The following EEF1AKMT2 variants were observed in gnomAD, a reference collection of about 807,000 sequenced individuals.
The protein encoded by EEF1AKMT2 is EEF1A lysine methyltransferase 2, also known as eukaryotic translation elongation factor 1 alpha lysine methyltransferase 2.
In EEF1AKMT2, 32 loss-of-function variants were observed where a neutral mutation model predicts 35.8. The ratio of observed to expected loss-of-function variants is 0.89; its 90% CI spans 0.67 to 1.20. EEF1AKMT2 has a LOEUF of 1.20. Ranked by LOEUF, EEF1AKMT2 falls within the 50% of genes most tolerant of loss-of-function variation. The probability of loss-of-function intolerance (pLI) is 0.00; values close to 1 mark genes in which losing one functional copy is unlikely to be tolerated. For missense variants in EEF1AKMT2, 330 were observed against 347.5 expected (o/e 0.95, Z 0.40); for synonymous variants, 121 against 133.7 (o/e 0.91, Z 0.65).
intron 6 of EEF1AKMT2, among the ~76,000 whole-genome samples, chr10:124,760,782 C>T (rs1950324166): frequency 6.6e-6 from 1 of 152,234 alleles, no homozygotes; most frequent in African/African-American, 2.4e-5. Flanking sequence ...TCCTCCACTT[C>T]CTGTTTGTCA....
At chr10:124,764,484 T>C (rs1950359781) in intron 5 of EEF1AKMT2, among the ~76,000 whole-genome samples, 1 of 152,198 alleles carries the variant, frequency 6.6e-6, no homozygotes, top group Non-Finnish European at 1.5e-5. Context: ...ATTTTGTGTA[T>C]AGATTACAGA....
chr10:124,776,384 C>A (rs1213843361), intron 3 of EEF1AKMT2, among the ~76,000 whole-genome samples: 1 of 151,954 alleles, frequency 6.6e-6, no homozygotes, highest in Non-Finnish European at 1.5e-5. Flanking sequence ...AGAAACAGAC[C>A]CGACAGGAGA....
intron 3 of EEF1AKMT2, among the ~76,000 whole-genome samples, chr10:124,787,941 G>T (rs1950601152): frequency 6.6e-6 from 1 of 152,118 alleles, no homozygotes; most frequent in South Asian, 2.1e-4. Context: ...GTTATTTCAA[G>T]TTCTTCTAAT....
At chr10:124,781,574 G>A (rs940995345) in intron 3 of EEF1AKMT2, among the ~76,000 whole-genome samples, 1 of 135,112 alleles carries the variant, frequency 7.4e-6, no homozygotes, top group Non-Finnish European at 1.5e-5. Context: ...CTGGGTGACA[G>A]AGTGAGACTG....
intron 4 of EEF1AKMT2, among the ~76,000 whole-genome samples, chr10:124,770,054 G>A (rs761385504): frequency 1.1e-4 from 16 of 152,000 alleles, no homozygotes; most frequent in Non-Finnish European, 1.9e-4. Flanking sequence ...AGGCCAAGGT[G>A]GAGGGATCAT....
At position 124,759,129 on chromosome 10, in the gene EEF1AKMT2, TATGCAAA is replaced by T. The variant is rs1386043141; in HGVS notation, c.*1367_*1373del. The T allele has an allele frequency of 6.6e-6, 1 of 152,138 alleles. No individual in the cohort carries two copies. Among genetic ancestry groups the T allele is most frequent in the Non-Finnish European group, 1.5e-5 (1 of 68,028 alleles). 9.4% of individuals were successfully genotyped at this position (152,138 alleles called of 1,614,324 possible). ...ACAAAGCTGAAAATCATCAAAAAAT[TATGCAAA>T]AATTTGTATTTAGCTCCAATATTAA... is the stretch of plus-strand genomic sequence containing the variant. On this transcript the variant is annotated 3_prime_UTR_variant, in exon 7 of 7. Transcript: ENST00000368836.
At chr10:124,776,719 C>T (rs1034824249) in intron 3 of EEF1AKMT2, among the ~76,000 whole-genome samples, 1 of 151,732 alleles carries the variant, frequency 6.6e-6, no homozygotes, top group African/African-American at 2.4e-5. Flanking sequence ...TGCTTGAACC[C>T]GGGAGGTGGA....
At position 124,765,622 on chromosome 10, in the gene EEF1AKMT2, C is replaced by T. The variant is rs766923612; in HGVS notation, c.400-14G>A. The T allele has an allele frequency of 2.5e-6, 4 of 1,597,370 alleles. No individual in the cohort carries two copies. The highest frequency in any genetic ancestry group is 1.1e-5 in the South Asian group (1 of 90,232). ...AAAGTCTTCTACCTATATTAAAAGT[C>T]AATGTCTATGTGAGAACAATTAAAA... On this transcript the variant is annotated splice_polypyrimidine_tract_variant and intron_variant, in intron 4 of 6. Coordinates refer to ENST00000368836, the MANE Select transcript of EEF1AKMT2 (RefSeq NM_212554.4).
chr10:124,763,343 A>T (rs1323406239), intron 5 of EEF1AKMT2, among the ~76,000 whole-genome samples: 1 of 152,244 alleles, frequency 6.6e-6, no homozygotes, highest in Non-Finnish European at 1.5e-5. Flanking sequence ...CTGTTTCAAC[A>T]ATTTTATGAA....
intron 3 of EEF1AKMT2, among the ~76,000 whole-genome samples, chr10:124,779,763 A>G (rs1400588099): frequency 7.0e-6 from 1 of 143,526 alleles, no homozygotes; most frequent in East Asian, 2.0e-4. Flanking sequence ...AAAAAAAAAA[A>G]AAAAAAAGAA....
chr10:124,789,015 TTAAC>T, intron 3 of EEF1AKMT2, 24 bp downstream of exon 3: 2 of 1,552,032 alleles, frequency 1.3e-6, no homozygotes, highest in Admixed American at 3.6e-5. Flanking sequence ...AAATTTGTCT[TTAAC>T]AAACAAATAC....
At chr10:124,771,538 C>T (rs1170081996) in intron 4 of EEF1AKMT2, among the ~76,000 whole-genome samples, 2 of 152,056 alleles carry the variant, frequency 1.3e-5, no homozygotes, top group Non-Finnish European at 2.9e-5. Context: ...TGATCCATCA[C>T]GGGCTACAGA....
At chr10:124,761,953 AC>A (rs1950335074) in intron 6 of EEF1AKMT2, among the ~76,000 whole-genome samples, 2 of 152,120 alleles carry the variant, frequency 1.3e-5, no homozygotes, top group Admixed American at 1.3e-4. Flanking sequence ...GTAAAATAAA[AC>A]GCCAATCAAG....
chr10:124,788,120 C>T (rs1950603132), intron 3 of EEF1AKMT2, among the ~76,000 whole-genome samples: 1 of 152,104 alleles, frequency 6.6e-6, no homozygotes, highest in Non-Finnish European at 1.5e-5. Context: ...TTTACAGGCC[C>T]AGAACATAAA....
intron 3 of EEF1AKMT2, among the ~76,000 whole-genome samples, chr10:124,777,279 CA>C (rs768724237): frequency 0.02 from 1,276 of 62,778 alleles, 9 homozygotes; most frequent in African/African-American, 0.054. Context: ...AACTCTGACT[CA>C]AAAAAAAAAA....
chr10:124,777,850 T>A (rs1358462883), intron 3 of EEF1AKMT2, among the ~76,000 whole-genome samples: 4 of 151,964 alleles, frequency 2.6e-5, no homozygotes, highest in Non-Finnish European at 1.5e-5. Flanking sequence ...TATCTGTACA[T>A]AGAAAGGGTA....
At position 124,765,995 on chromosome 10, in the gene EEF1AKMT2, C is replaced by CGGAATTAATTATT. The variant is rs1215817028; in HGVS notation, c.400-388_400-387insAATAATTAATTCC. Among the ~76,000 whole-genome samples, 21 of 152,264 alleles carry CGGAATTAATTATT rather than the reference C, an allele frequency of 1.4e-4. No homozygotes were observed. The East Asian group carries it at 1.5e-3, about 11-fold the overall frequency. ...GACAATTTATTTGGAACTAAGTTCA[C>CGGAATTAATTATT]TGGAAATAAGATTTCTTGAAGACAG... On this transcript the variant is annotated intron_variant, in intron 4 of 6. Coordinates refer to ENST00000368836, the MANE Select transcript of EEF1AKMT2 (RefSeq NM_212554.4).
In EEF1AKMT2 at chr10:124,789,113, T is replaced by C. The variant is rs539519199; in HGVS notation, c.221A>G (p.Lys74Arg). The C allele has an allele frequency of 6.2e-7, 1 of 1,613,874 alleles. No homozygotes were observed. Among genetic ancestry groups the C allele is most frequent in the African/African-American group, 1.3e-5 (1 of 75,064 alleles). ...TGAAGCATCCAGTGGAATCTTGTGT[T>C]TCTGCATCCACCTTATTAGTCGATT... ...SMNRLIRWMQ[K>R]HKIPLDASVL... Residue 74 changes from lysine to arginine, a missense_variant, in exon 3 of 7, where the codon AAA (lysine) becomes AGA (arginine). Lys to Arg is a conservative substitution (Grantham distance 26, BLOSUM62 2). Coordinates refer to ENST00000368836, the MANE Select transcript of EEF1AKMT2 (RefSeq NM_212554.4).
At chr10:124,776,330 G>A (rs1387955309) in intron 3 of EEF1AKMT2, among the ~76,000 whole-genome samples, 2 of 152,116 alleles carry the variant, frequency 1.3e-5, no homozygotes, top group Non-Finnish European at 2.9e-5. Flanking sequence ...AAAATGAGCA[G>A]ACATTCAAGG....
Sources: gnomAD v4.1 joint callset for allele counts (sites outside exome capture counted in the v4.1 genomes callset) on GRCh38, gnomAD v4.1.1 for gene constraint, MANE v1.5 for transcripts, NCBI Gene and HGNC (gene_info 2026-07-23, HGNC 2026-07-21) for gene names.